R3HDM1: variants seen among roughly 807,000 people sequenced by gnomAD.
The protein encoded by R3HDM1 is R3H domain containing 1, also known as R3H domain-containing protein 1.
In R3HDM1, 46 loss-of-function variants were observed where a neutral mutation model predicts 141.1. The ratio of observed to expected loss-of-function variants is 0.33; its 90% CI spans 0.26 to 0.42. R3HDM1 has a LOEUF of 0.42. Ranked by LOEUF, R3HDM1 falls within the 10% of genes least tolerant of loss-of-function variation. The pLI, the probability that R3HDM1 is intolerant of heterozygous loss-of-function variation, is 1.00. For synonymous variants in R3HDM1, 435 were observed against 472.9 expected (o/e 0.92, Z 1.04); for missense variants, 1,184 against 1,368.3 (o/e 0.87, Z 2.12).
chr2:135,543,441 C>G (rs1164085144), intron 1 of R3HDM1, among the ~76,000 whole-genome samples: 1 of 149,830 alleles, frequency 6.7e-6, no homozygotes, highest in Non-Finnish European at 1.5e-5. Flanking sequence ...TTCTTTTTGC[C>G]TTTGGCTATT....
intron 1 of R3HDM1, among the ~76,000 whole-genome samples, chr2:135,544,547 A>T (rs1698288054): frequency 6.6e-6 from 1 of 152,238 alleles, no homozygotes; most frequent in Non-Finnish European, 1.5e-5. Context: ...AAAAAGGTAA[A>T]AATTTCCAGA....
At chr2:135,672,730 C>T (rs920155319) in intron 19 of R3HDM1, among the ~76,000 whole-genome samples, 7 of 151,854 alleles carry the variant, frequency 4.6e-5, no homozygotes, top group East Asian at 3.9e-4. Context: ...TAAGAGAGTG[C>T]GTGTGTTTGT....
At chr2:135,699,213 G>A (rs562115331) in intron 21 of R3HDM1, among the ~76,000 whole-genome samples, 66 of 152,294 alleles carry the variant, frequency 4.3e-4, no homozygotes, top group Admixed American at 1.0e-3. Flanking sequence ...AGGAATTGAA[G>A]ACAATAAATA....
Position 135,648,837 on chromosome 2 carries a change from T to A in R3HDM1, c.1624-1065T>A, listed in dbSNP as rs948066709. ...CCTGGGAAACATAAAACCCTTTTTT[T>A]TCCTGAAACTCAGGAGTATTTCATT... On this transcript the variant is annotated intron_variant, in intron 16 of 26. Transcript: ENST00000683871. Among the ~76,000 whole-genome samples, 16 of 152,064 alleles carry A rather than the reference T, an allele frequency of 1.1e-4. No individual in the cohort carries two copies. The East Asian group carries it at 3.1e-3, about 29-fold the overall frequency.
At chr2:135,638,495 A>G in intron 11 of R3HDM1, 123 bp from the exon 12 acceptor site, 1 of 963,190 alleles carries the variant, frequency 1.0e-6, no homozygotes, top group Non-Finnish European at 1.5e-6. Context: ...TTATTTGTGT[A>G]CCCTTATCAC....
In R3HDM1 at chr2:135,722,125, C is replaced by T. The variant is rs1196850716; in HGVS notation, c.2964+119C>T. On this transcript the variant is annotated intron_variant, in intron 25 of 26. Transcript: ENST00000683871. ...GCCCAAGAAGAGCTCTGTGCCTCAG[C>T]CAGTTGGTTTACACAGATTATCACT... The T allele has an allele frequency of 3.1e-6, 3 of 960,048 alleles. No homozygotes were observed. In the African/African-American group the frequency reaches 4.9e-5, roughly 16 times the overall value. The allele number at this position is 960,048 out of a possible 1,614,324, so 59.5% of individuals were successfully genotyped here.
chr2:135,631,869 G>A lies in R3HDM1; in HGVS notation c.566G>A (p.Arg189His), dbSNP rs144742726. 29 of 1,606,596 alleles carry A rather than the reference G, an allele frequency of 1.8e-5. No homozygotes were observed. The highest frequency in any genetic ancestry group is 6.7e-5 in the African/African-American group (5 of 74,436). ...LDFIGNNESP[R>H]KKFPPMTSYH... ...TTTTCTTGTGCTTCTAGGTCTCCAC[G>A]TAAAAAATTCCCCCCAATGACATCT... Residue 189 changes from arginine (R) to histidine (H), a missense_variant, in exon 9 of 27, where the codon CGT (arginine) becomes CAT (histidine). Coordinates refer to ENST00000683871, the MANE Select transcript of R3HDM1 (RefSeq NM_001378107.1).
In R3HDM1 at chr2:135,723,959, T is replaced by C; in HGVS notation, c.3072T>C (p.Ile1024=). 6.2e-7 allele frequency: 1 copy of C among 1,612,204 alleles called. No individual in the cohort carries two copies. The highest frequency in any genetic ancestry group is 1.1e-5 in the South Asian group (1 of 91,022). The change falls in exon 27 of 27, where the codon ATT becomes ATC. Residue 1024 remains isoleucine (I), a synonymous_variant. Transcript: ENST00000683871. ...GETVVGKVLE[I]TELPDGITRM... Reference sequence around the variant, plus strand: ...TAGTTGTTGGGAAGGTCTTGGAAATTACTGAACTACCAGATGGAATAACTC... The same window carrying C: ...TAGTTGTTGGGAAGGTCTTGGAAATCACTGAACTACCAGATGGAATAACTC...
chr2:135,532,160 G>T (rs1052641248), intron 1 of R3HDM1, among the ~76,000 whole-genome samples: 2 of 152,218 alleles, frequency 1.3e-5, no homozygotes, highest in African/African-American at 4.8e-5. Flanking sequence ...CCCTGGCCTT[G>T]CACCAAGAGA....
intron 19 of R3HDM1, chr2:135,669,260 C>T (rs111329934): frequency 2.0e-6 from 2 of 985,368 alleles, no homozygotes; most frequent in African/African-American, 3.5e-5. Flanking sequence ...ACATTGTGGG[C>T]TAATCATATG....
At chr2:135,699,622 CAG>C (rs2073948658) in intron 21 of R3HDM1, among the ~76,000 whole-genome samples, 1 of 152,142 alleles carries the variant, frequency 6.6e-6, no homozygotes, top group African/African-American at 2.4e-5. Context: ...AGTACATTAT[CAG>C]AGTAGAAGAA....
At chr2:135,579,663 A>G (rs1553539852) in intron 1 of R3HDM1, among the ~76,000 whole-genome samples, 2 of 151,750 alleles carry the variant, frequency 1.3e-5, no homozygotes, top group Non-Finnish European at 2.9e-5. Context: ...AATCTGAGAC[A>G]CGCCAGCGTC....
chr2:135,546,937 G>T (rs528296961), intron 1 of R3HDM1, among the ~76,000 whole-genome samples: 2 of 152,282 alleles, frequency 1.3e-5, no homozygotes, highest in South Asian at 4.1e-4. Flanking sequence ...CTCCCAAAAT[G>T]TTGGGATTAC....
chr2:135,692,386 G>A (rs2072547692), intron 21 of R3HDM1, among the ~76,000 whole-genome samples: 1 of 152,158 alleles, frequency 6.6e-6, no homozygotes, highest in South Asian at 2.1e-4. Flanking sequence ...GATCACCTGA[G>A]GTCAGGAGTT....
intron 26 of R3HDM1, 53 bp from the exon 27 acceptor site, chr2:135,723,884 C>A: frequency 6.8e-7 from 1 of 1,462,104 alleles, no homozygotes; most frequent in Non-Finnish European, 9.3e-7. Flanking sequence ...TGCTTTTTTA[C>A]CCAACTTTTT....
intron 24 of R3HDM1, among the ~76,000 whole-genome samples, chr2:135,717,825 G>A (rs941185797): frequency 7.2e-5 from 11 of 152,176 alleles, no homozygotes; most frequent in Non-Finnish European, 1.5e-4. Flanking sequence ...ACATAACCCA[G>A]CAATTCCACT....
chr2:135,709,365 C>T, intron 21 of R3HDM1, 68 bp from the exon 22 acceptor site: 1 of 1,594,542 alleles, frequency 6.3e-7, no homozygotes, highest in Non-Finnish European at 8.6e-7. Context: ...GAGCACCGCG[C>T]CCAGCCCATT....
chr2:135,644,324 G>A (rs1167086367), intron 15 of R3HDM1, among the ~76,000 whole-genome samples: 1 of 152,088 alleles, frequency 6.6e-6, no homozygotes, highest in Non-Finnish European at 1.5e-5. Context: ...CCAACATGGT[G>A]AAACCCCATC....
intron 1 of R3HDM1, among the ~76,000 whole-genome samples, chr2:135,579,598 G>GGC (rs1227873576): frequency 6.7e-6 from 1 of 150,028 alleles, no homozygotes; most frequent in African/African-American, 2.5e-5. Context: ...GGGGTGGCGG[G>GGC]GGGGGGTGGA....
Sources: allele counts gnomAD v4.1 joint callset (sites outside exome capture counted in the v4.1 genomes callset), GRCh38; gene constraint gnomAD v4.1.1; transcripts MANE v1.5; gene names NCBI Gene and HGNC (gene_info 2026-07-23, HGNC 2026-07-21).